The following ERG variants were observed in gnomAD, a reference collection of about 807,000 sequenced individuals.
ERG encodes ETS transcription factor ERG.
ERG carries 9 observed loss-of-function variants against 55.3 expected under a neutral mutation model. The observed-to-expected ratio is 0.16, with a 90% confidence interval of 0.10 to 0.28. The LOEUF is 0.28. Among genes scored for constraint, ERG ranks in the 10% least tolerant of loss-of-function variants. The pLI, the probability that ERG is intolerant of heterozygous loss-of-function variation, is 1.00. For missense variants in ERG, 434 were observed against 631.6 expected (o/e 0.69, Z 3.35); for synonymous variants, 223 against 237.3 (o/e 0.94, Z 0.55).
intron 2 of ERG, among the ~76,000 whole-genome samples, chr21:38,503,674 T>A (rs1415391816): frequency 6.6e-6 from 1 of 152,216 alleles, no homozygotes; most frequent in African/African-American, 2.4e-5. Context: ...GTCCTTAAGA[T>A]GACACATGAA....
intron 1 of ERG, among the ~76,000 whole-genome samples, chr21:38,640,893 G>C (rs1020214137): frequency 1.3e-5 from 2 of 152,178 alleles, no homozygotes; most frequent in African/African-American, 4.8e-5. Flanking sequence ...GGAAGGCAGA[G>C]AACTGCTATT....
intron 2 of ERG, among the ~76,000 whole-genome samples, chr21:38,508,005 A>ACAAACATGCC (rs2059479364): frequency 2.0e-5 from 3 of 151,492 alleles, no homozygotes; most frequent in East Asian, 1.9e-4. Context: ...ACATGCACAC[A>ACAAACATGCC]CACAGAGACA....
chr21:38,453,425 C>A (rs577822189), intron 1 of ERG, among the ~76,000 whole-genome samples: 1 of 152,342 alleles, frequency 6.6e-6, no homozygotes, highest in East Asian at 1.9e-4. Flanking sequence ...TGTCAACCAA[C>A]ATCATTTTAA....
At chr21:38,661,198 C>A (rs1255980594) in intron 1 of ERG, among the ~76,000 whole-genome samples, 1 of 151,062 alleles carries the variant, frequency 6.6e-6, no homozygotes, top group African/African-American at 2.4e-5. Flanking sequence ...GAGGGGGAGC[C>A]GCGGGGGTGC....
chr21:38,470,234 A>C (rs1039128390), intron 1 of ERG, among the ~76,000 whole-genome samples: 1 of 149,378 alleles, frequency 6.7e-6, no homozygotes, highest in Non-Finnish European at 1.5e-5. Context: ...TCTAGCATAT[A>C]ATAAGCACTC....
intron 1 of ERG, among the ~76,000 whole-genome samples, chr21:38,577,832 C>G (rs1228223189): frequency 6.6e-6 from 1 of 152,214 alleles, no homozygotes; most frequent in East Asian, 1.9e-4. Context: ...TCACTCCGCA[C>G]AGTTCCTCCC....
chr21:38,603,095 T>A (rs971330825), intron 1 of ERG, among the ~76,000 whole-genome samples: 2 of 151,802 alleles, frequency 1.3e-5, no homozygotes, highest in Non-Finnish European at 2.9e-5. Flanking sequence ...CTCAATGACA[T>A]CAAATGGAGC....
chr21:38,652,831 G>A (rs900183638), intron 1 of ERG, among the ~76,000 whole-genome samples: 1 of 152,202 alleles, frequency 6.6e-6, no homozygotes, highest in African/African-American at 2.4e-5. Context: ...TGCTGGCCCA[G>A]TTCAACCAGG....
At chr21:38,628,037 C>A (rs2060335948) in intron 1 of ERG, among the ~76,000 whole-genome samples, 1 of 151,526 alleles carries the variant, frequency 6.6e-6, no homozygotes, top group Admixed American at 6.6e-5. Flanking sequence ...CAGCCCCAAC[C>A]TCCTGGGCTC....
chr21:38,654,049 G>T (rs1322344840), intron 1 of ERG, among the ~76,000 whole-genome samples: 2 of 152,188 alleles, frequency 1.3e-5, no homozygotes, highest in East Asian at 3.8e-4. Context: ...TGGCTATGGG[G>T]TACTTAGAAG....
intron 1 of ERG, among the ~76,000 whole-genome samples, chr21:38,473,159 CAAAAAAA>C (rs33994175): frequency 9.4e-6 from 1 of 106,054 alleles, no homozygotes; most frequent in African/African-American, 4.0e-5. Flanking sequence ...AGGATGCGCT[CAAAAAAA>C]AAAAAAAAAA....
intron 2 of ERG, among the ~76,000 whole-genome samples, chr21:38,556,254 T>C (rs914057560): frequency 1.6e-4 from 24 of 152,172 alleles, no homozygotes; most frequent in Non-Finnish European, 5.9e-5. Flanking sequence ...ATATTGTTCA[T>C]GGAAAAATAG....
At chr21:38,503,144 C>CT (rs2059433906), upstream of ERG, among the ~76,000 whole-genome samples, 1 of 152,124 alleles carries the variant, frequency 6.6e-6, no homozygotes, top group Non-Finnish European at 1.5e-5. Flanking sequence ...CCCTCTTCTT[C>CT]TTTGGTTCAC....
At chr21:38,399,388 GAA>G (rs999404031) in intron 6 of ERG, among the ~76,000 whole-genome samples, 1 of 152,172 alleles carries the variant, frequency 6.6e-6, no homozygotes, top group Non-Finnish European at 1.5e-5. Context: ...TCATTAGAAA[GAA>G]AGAGTAGTTG....
intron 2 of ERG, among the ~76,000 whole-genome samples, chr21:38,429,746 T>C (rs8130547): frequency 0.87 from 93,500 of 107,858 alleles, 41,265 homozygotes; most frequent in South Asian, 0.95. Flanking sequence ...TATATATATA[T>C]ACACACACAC....
At chr21:38,644,653 T>C (rs1301511323) in intron 1 of ERG, among the ~76,000 whole-genome samples, 3 of 152,224 alleles carry the variant, frequency 2.0e-5, no homozygotes, top group Non-Finnish European at 4.4e-5. Context: ...AAGACAAGGT[T>C]ATCACAATAT....
chr21:38,594,594 T>G (rs2060120190), intron 1 of ERG, among the ~76,000 whole-genome samples: 2 of 152,128 alleles, frequency 1.3e-5, no homozygotes, highest in African/African-American at 4.8e-5. Flanking sequence ...GGTTTTGTGA[T>G]GCAGATGAAG....
At chr21:38,475,673 C>A (rs557032523) in intron 1 of ERG, among the ~76,000 whole-genome samples, 1 of 152,192 alleles carries the variant, frequency 6.6e-6, no homozygotes, top group Non-Finnish European at 1.5e-5. Context: ...TCCCGCCCCC[C>A]GGCCACCTGG....
intron 6 of ERG, among the ~76,000 whole-genome samples, chr21:38,393,347 A>G (rs559547579): frequency 1.2e-3 from 186 of 152,376 alleles, no homozygotes; most frequent in South Asian, 6.4e-3. Flanking sequence ...CAGAAACCTT[A>G]TTATAATACT....
Sources: gnomAD v4.1 joint callset for allele counts (sites outside exome capture counted in the v4.1 genomes callset) on GRCh38, gnomAD v4.1.1 for gene constraint, MANE v1.5 for transcripts, NCBI Gene and HGNC (gene_info 2026-07-23, HGNC 2026-07-21) for gene names.